The following LHX2 variants were observed in gnomAD, a reference collection of about 807,000 sequenced individuals.
LHX2 encodes the protein LIM/homeobox protein Lhx2.
A neutral mutation model predicts 33.0 loss-of-function variants in LHX2; 6 were observed. The ratio of observed to expected loss-of-function variants is 0.18; its 90% CI spans 0.10 to 0.36. The LOEUF (loss-of-function observed/expected upper bound fraction) is 0.36. LHX2 is among the 10% of genes least tolerant of loss of function. The pLI is 1.00. For missense variants in LHX2, 442 were observed against 586.2 expected, an observed-to-expected ratio of 0.75 and a Z score of 2.54; for synonymous variants, 292 against 253.1, an observed-to-expected ratio of 1.15 and a Z score of -1.46.
rs1296357818 is a variant in LHX2 at position 124,015,914 on chromosome 9, A to G, written c.727+389A>G. 1.3e-5 allele frequency among the ~76,000 whole-genome samples: 2 copies of G among 152,216 alleles called. No individual in the cohort carries two copies. The highest frequency in any genetic ancestry group is 2.9e-5 in the Non-Finnish European group (2 of 68,028). On this transcript the variant is annotated intron_variant, in intron 3 of 4. Coordinates refer to ENST00000373615, the MANE Select transcript of LHX2 (RefSeq NM_004789.4). The surrounding 1 kb of genome is among the most constrained non-coding windows in gnomAD (Gnocchi z 7.9). ...GGCCGGGAACTGGGGCAGCGAAGGA[A>G]CGAGGCAGGGCGGCGAGGGTCCCAA...
chr9:124,032,575 G>T lies in LHX2; in HGVS notation c.1089G>T (p.Thr363=), dbSNP rs368045815. 24 of 1,613,930 alleles carry T rather than the reference G, an allele frequency of 1.5e-5. No homozygotes were observed. Among genetic ancestry groups the T allele is most frequent in the Non-Finnish European group, 1.9e-5 (23 of 1,179,992 alleles). The stretch of plus-strand genomic sequence containing the variant: ...ACGCCTCGCTCAGCCCCTCCAGCAC[G>T]CCCACCACCCTGACAGACTTGACTA... ...LSNASLSPSS[T]PTTLTDLTSP... Residue 363 remains threonine, a synonymous_variant, in exon 5 of 5, where the codon ACG becomes ACT. Coordinates refer to ENST00000373615, the MANE Select transcript of LHX2 (RefSeq NM_004789.4). The surrounding 1 kb of genome is among the most constrained non-coding windows in gnomAD (Gnocchi z 4.1).
In LHX2 at chr9:124,032,509, G is replaced by C; in HGVS notation, c.1023G>C (p.Leu341=). The C allele has an allele frequency of 1.2e-6, 2 of 1,613,450 alleles. No homozygotes were observed. The highest frequency in any genetic ancestry group is 1.7e-6 in the Non-Finnish European group (2 of 1,179,994). ...TGGACAAGTCGACAGACGCGGCGCTGCAGACAGGGACGCCATCGGGCCCGG... is the reference window on the plus strand; with the variant it reads ...TGGACAAGTCGACAGACGCGGCGCTCCAGACAGGGACGCCATCGGGCCCGG... ...TGVDKSTDAA[L]QTGTPSGPAS... is the part of the protein sequence containing the mutation. Residue 341 remains leucine (L), a synonymous_variant, in exon 5 of 5, where the codon CTG becomes CTC. Transcript: ENST00000373615. The surrounding 1 kb of genome is among the most constrained non-coding windows in gnomAD (Gnocchi z 4.1).
intron 3 of LHX2, among the ~76,000 whole-genome samples, chr9:124,017,763 G>C (rs1434500606): frequency 1.3e-5 from 2 of 151,908 alleles, no homozygotes; most frequent in East Asian, 1.9e-4. Context: ...TCGGGGCGCC[G>C]GGCGCTGGGC....
rs1191252268 is a variant in LHX2, at chr9:124,015,836, G to A, written c.727+311G>A. Among the ~76,000 whole-genome samples, 4 of 152,278 alleles carry A rather than the reference G, an allele frequency of 2.6e-5. No individual in the cohort carries two copies. Among genetic ancestry groups the A allele is most frequent in the Admixed American group, 2.0e-4 (3 of 15,290 alleles). ...TGCTAGGCAGGAAGTGGCAGGGATG[G>A]AGAAAGCAAGGCGGCGCTGACGCCA... On this transcript the variant is annotated intron_variant, in intron 3 of 4. Transcript: ENST00000373615. The surrounding 1 kb of genome is among the most constrained non-coding windows in gnomAD (Gnocchi z 7.9).
rs1204346678 is a variant in LHX2 at position 124,014,435 on chromosome 9, G to T, written c.323+272G>T. On this transcript the variant is annotated intron_variant, in intron 2 of 4. Coordinates refer to ENST00000373615, the MANE Select transcript of LHX2 (RefSeq NM_004789.4). The surrounding 1 kb of genome is among the most constrained non-coding windows in gnomAD (Gnocchi z 4.8). Reference sequence around the variant, plus strand: ...TGCTCGGAGCTTAGACCACAAAAAAGCTTGAGTTGGGATCCTTGCTCCCCT... The same window carrying T: ...TGCTCGGAGCTTAGACCACAAAAAATCTTGAGTTGGGATCCTTGCTCCCCT... Among the ~76,000 whole-genome samples the T allele has an allele frequency of 1.3e-5, 2 of 152,142 alleles. No individual in the cohort carries two copies. Among genetic ancestry groups the T allele is most frequent in the East Asian group, 3.9e-4 (2 of 5,194 alleles).
Position 124,032,784 on chromosome 9 carries a change from T to C in LHX2, c.*77T>C. 3 of 1,458,452 alleles carry C rather than the reference T, an allele frequency of 2.1e-6. No individual in the cohort carries two copies. The highest frequency in any genetic ancestry group is 2.8e-6 in the Non-Finnish European group (3 of 1,086,738). The allele number at this position is 1,458,452 out of a possible 1,614,324, so 90.3% of individuals were successfully genotyped here. ...GTTGAATTCCAAGTGTATTTTAAAA[T>C]AGAGGCTTTGAGCAACTAACTAACC... On this transcript the variant is annotated 3_prime_UTR_variant, in exon 5 of 5. Transcript: ENST00000373615. The surrounding 1 kb of genome is among the most constrained non-coding windows in gnomAD (Gnocchi z 4.1).
At chr9:124,022,297 C>G (rs1290971573) in intron 4 of LHX2, among the ~76,000 whole-genome samples, 3 of 152,162 alleles carry the variant, frequency 2.0e-5, no homozygotes, top group Admixed American at 2.0e-4. Flanking sequence ...GTGGTGCGAC[C>G]TGACACTTCG....
rs1409911308 is a variant in LHX2, at chr9:124,014,825, G to C, written c.324-297G>C. Among the ~76,000 whole-genome samples, 1 of 152,124 alleles carries C rather than the reference G, an allele frequency of 6.6e-6. No homozygotes were observed. Among genetic ancestry groups the C allele is most frequent in the Non-Finnish European group, 1.5e-5 (1 of 68,006 alleles). On this transcript the variant is annotated intron_variant, in intron 2 of 4. Transcript: ENST00000373615. The surrounding 1 kb of genome is among the most constrained non-coding windows in gnomAD (Gnocchi z 4.8). ...GGAGGGAGGAGTAAAGGTTGAGGAGGGGGTAAGTGGTAAGTGTCTCCCTCC... is the reference window on the plus strand; with the variant it reads ...GGAGGGAGGAGTAAAGGTTGAGGAGCGGGTAAGTGGTAAGTGTCTCCCTCC...
rs918021428 is a variant in LHX2 at position 124,025,358 on chromosome 9, G to A, written c.933+4054G>A. Among the ~76,000 whole-genome samples the A allele has an allele frequency of 8.6e-5, 13 of 150,772 alleles. No homozygotes were observed. The East Asian group carries it at 1.2e-3, about 14-fold the overall frequency. On this transcript the variant is annotated intron_variant, in intron 4 of 4. Transcript: ENST00000373615. ...GGGGAGGCTGAGGCAGGAGAATGGC[G>A]TGAACCCGGGAGGCGGAGCTTGCAG...
chr9:124,017,249 T>C (rs548075099), intron 3 of LHX2, among the ~76,000 whole-genome samples: 1 of 152,252 alleles, frequency 6.6e-6, no homozygotes, highest in South Asian at 2.1e-4. Flanking sequence ...TCTGTCTCTG[T>C]GTGTGTCGTG....
At chr9:124,022,936 C>T (rs1174732051) in intron 4 of LHX2, among the ~76,000 whole-genome samples, 1 of 152,206 alleles carries the variant, frequency 6.6e-6, no homozygotes, top group African/African-American at 2.4e-5. Flanking sequence ...CGATGCGCCC[C>T]TCTGGGCCCG....
chr9:124,015,628 A>C lies in LHX2; in HGVS notation c.727+103A>C. ...ATCTCTGTGTGCTGGGCAAATAGCGAGCCTTAAGCACCGGACGGCCTCGCA... is the reference window on the plus strand; with the variant it reads ...ATCTCTGTGTGCTGGGCAAATAGCGCGCCTTAAGCACCGGACGGCCTCGCA... On this transcript the variant is annotated intron_variant, in intron 3 of 4. Coordinates refer to ENST00000373615, the MANE Select transcript of LHX2 (RefSeq NM_004789.4). The surrounding 1 kb of genome is among the most constrained non-coding windows in gnomAD (Gnocchi z 7.9). 7.8e-7 allele frequency: 1 copy of C among 1,287,714 alleles called. No individual in the cohort carries two copies. The allele number at this position is 1,287,714 out of a possible 1,614,324, so 79.8% of individuals were successfully genotyped here.
chr9:124,021,458 C>A (rs1430441812), intron 4 of LHX2, among the ~76,000 whole-genome samples, 154 bp downstream of exon 4: 1 of 152,224 alleles, frequency 6.6e-6, no homozygotes, highest in African/African-American at 2.4e-5. Context: ...CCTCTCCAGC[C>A]TGTCCCCATC....
At chr9:124,028,307 G>C (rs147752072) in intron 4 of LHX2, among the ~76,000 whole-genome samples, 40 of 152,316 alleles carry the variant, frequency 2.6e-4, no homozygotes, top group Admixed American at 7.2e-4. Flanking sequence ...ACCCCGGCCT[G>C]GTGTTAGTTG....
At position 124,014,344 on chromosome 9, in the gene LHX2, A is replaced by G. The variant is rs2118746669; in HGVS notation, c.323+181A>G. On this transcript the variant is annotated intron_variant, in intron 2 of 4. Coordinates refer to ENST00000373615, the MANE Select transcript of LHX2 (RefSeq NM_004789.4). The surrounding 1 kb of genome is among the most constrained non-coding windows in gnomAD (Gnocchi z 4.8). ...TGGGTGATAACCTTTTAAAGCAGCAATTTGGGGAGCTCTTGGAAAGGTCTA... is the reference window on the plus strand; with the variant it reads ...TGGGTGATAACCTTTTAAAGCAGCAGTTTGGGGAGCTCTTGGAAAGGTCTA... Among the ~76,000 whole-genome samples the G allele has an allele frequency of 6.6e-6, 1 of 151,678 alleles. No homozygotes were observed. Among genetic ancestry groups the G allele is most frequent in the African/African-American group, 2.4e-5 (1 of 41,156 alleles).
chr9:124,014,083 C>G lies in LHX2; in HGVS notation c.243C>G (p.Cys81Trp). The change falls in exon 2 of 5, where the codon TGC becomes TGG. Residue 81 changes from cysteine to tryptophan, a missense_variant. Around this residue, in one of 5 missense-constraint regions of LHX2, gnomAD observed 72 missense variants for 171.6 expected, o/e 0.42. Transcript: ENST00000373615. This position sits in a 1 kb window ranked among gnomAD's most constrained non-coding sequence, Gnocchi z 4.8. ...KQWHMRCLKC[C>W]ECKLNLESEL... ...GGCACATGCGCTGCCTCAAGTGCTG[C>G]GAGTGCAAGCTCAACCTGGAGTCGG... The G allele has an allele frequency of 6.2e-7, 1 of 1,613,724 alleles. No homozygotes were observed. The highest frequency in any genetic ancestry group is 8.5e-7 in the Non-Finnish European group (1 of 1,180,020).
At chr9:124,020,881 A>G (rs182312347) in intron 3 of LHX2, among the ~76,000 whole-genome samples, 1 of 152,306 alleles carries the variant, frequency 6.6e-6, no homozygotes, top group Non-Finnish European at 1.5e-5. Flanking sequence ...GCCGGGATTC[A>G]GTGCTGCAGT....
chr9:124,029,807 A>G (rs10739635), intron 4 of LHX2, among the ~76,000 whole-genome samples: 60,670 of 152,076 alleles, frequency 0.4, 12,370 homozygotes, highest in Admixed American at 0.45. Context: ...GTGGCAAGGC[A>G]GCGGCACCAA....
At position 124,015,018 on chromosome 9, in the gene LHX2, T is replaced by C. The variant is rs894948900; in HGVS notation, c.324-104T>C. 25 of 1,362,252 alleles carry C rather than the reference T, an allele frequency of 1.8e-5. No individual in the cohort carries two copies. The highest frequency in any genetic ancestry group is 2.3e-5 in the Non-Finnish European group (23 of 989,686). 84.4% of individuals were successfully genotyped at this position (1,362,252 alleles called of 1,614,324 possible). On this transcript the variant is annotated intron_variant, in intron 2 of 4. Transcript: ENST00000373615. This position sits in a 1 kb window ranked among gnomAD's most constrained non-coding sequence, Gnocchi z 7.9. ...CCAAATAAAGGCCGGGTTGTTCGTC[T>C]TGAGGAGGGGATTGCCCCCCGCAGC...
Sources: allele counts gnomAD v4.1 joint callset (sites outside exome capture counted in the v4.1 genomes callset), GRCh38; gene constraint gnomAD v4.1.1; regional missense constraint gnomAD v4.1.1; non-coding constraint Gnocchi (gnomAD v3.1); transcripts MANE v1.5; gene names NCBI Gene and HGNC (gene_info 2026-07-23, HGNC 2026-07-21).